ENKD1: variants seen among roughly 807,000 people sequenced by gnomAD.
The protein encoded by ENKD1 is enkurin domain containing 1, also known as enkurin domain-containing protein 1.
ENKD1 carries 39 observed loss-of-function variants against 35.8 expected under a neutral mutation model. The ratio of observed to expected loss-of-function variants is 1.09; its 90% CI spans 0.84 to 1.42. The LOEUF (loss-of-function observed/expected upper bound fraction) is 1.42. ENKD1 is among the 40% of genes most tolerant of loss of function. The pLI is 0.00. For synonymous variants in ENKD1, 205 were observed against 198.6 expected, an observed-to-expected ratio of 1.03 and a Z score of -0.27; for missense variants, 474 against 471.3, an observed-to-expected ratio of 1.01 and a Z score of -0.05.
At position 67,663,295 on chromosome 16, in the gene ENKD1, C is replaced by G. The variant is rs138813287; in HGVS notation, c.907G>C (p.Val303Leu). The change falls in exon 7 of 7, where the codon GTA (valine) becomes CTA (leucine). Residue 303 changes from valine to leucine, a missense_variant. Coordinates refer to ENST00000243878, the MANE Select transcript of ENKD1 (RefSeq NM_032140.3). ...GAGTCTGCCCCAGCAGGCAGCAGTA[C>G]CAGCTCACGCAGCAGCTGGCTCTGG... ...QSQSQLLREL[V>L]LLPAGADSLR... 1 of 1,613,572 alleles carries G rather than the reference C, an allele frequency of 6.2e-7. No homozygotes were observed. The highest frequency in any genetic ancestry group is 1.3e-5 in the African/African-American group (1 of 74,956).
Position 67,663,282 on chromosome 16 carries a change from G to A in ENKD1, c.920C>T (p.Ala307Val). The A allele has an allele frequency of 6.2e-7, 1 of 1,613,742 alleles. No homozygotes were observed. The highest frequency in any genetic ancestry group is 8.5e-7 in the Non-Finnish European group (1 of 1,180,030). Residue 307 changes from alanine (A) to valine (V), a missense_variant, in exon 7 of 7, where the codon GCT (alanine) becomes GTT (valine). By Grantham distance (64) the Ala-to-Val change is moderately conservative. Coordinates refer to ENST00000243878, the MANE Select transcript of ENKD1 (RefSeq NM_032140.3). ...CTGGGCTCTCAGTGAGTCTGCCCCA[G>A]CAGGCAGCAGTACCAGCTCACGCAG... ...QLLRELVLLP[A>V]GADSLRAQSH...
intron 1 of ENKD1, 39 bp from the exon 2 acceptor site, chr16:67,666,304 T>G: frequency 1.3e-6 from 2 of 1,598,812 alleles, no homozygotes; most frequent in Non-Finnish European, 1.7e-6. Context: ...GGCTCAGAGG[T>G]GGAGCCAGGG....
In ENKD1 at chr16:67,666,223, A is replaced by G; in HGVS notation, c.128T>C (p.Leu43Pro). 8 of 1,608,434 alleles carry G rather than the reference A, an allele frequency of 5.0e-6. No homozygotes were observed. Among genetic ancestry groups the G allele is most frequent in the Non-Finnish European group, 6.8e-6 (8 of 1,177,164 alleles). The change falls in exon 2 of 7, where the codon CTG (leucine) becomes CCG (proline). Residue 43 changes from leucine to proline, a missense_variant. By Grantham distance (98) the Leu-to-Pro change is moderately conservative. Coordinates refer to ENST00000243878, the MANE Select transcript of ENKD1 (RefSeq NM_032140.3). ...GGTGTCCAGGGCCCGGTCGGAAGTC[A>G]GCAAGTCCAGCTTCAGCGCGTTTCC... Reference protein sequence around the residue: ...LEGNALKLDLLTSDRALDTTA... With the variant: ...LEGNALKLDLPTSDRALDTTA...
At chr16:67,665,492 G>T (rs538437292) in intron 2 of ENKD1, among the ~76,000 whole-genome samples, 75 of 152,224 alleles carry the variant, frequency 4.9e-4, no homozygotes, top group African/African-American at 1.7e-3. Context: ...CTGCCGAGTA[G>T]CTGGGATTAC....
intron 2 of ENKD1, 140 bp from the exon 3 acceptor site, chr16:67,665,308 A>C (rs1234897623): frequency 4.1e-6 from 3 of 727,892 alleles, no homozygotes; most frequent in East Asian, 5.8e-5. Context: ...CCCTACACAC[A>C]CTCTCCCTCA....
intron 3 of ENKD1, chr16:67,664,655 C>T (rs992029535): frequency 2.3e-5 from 8 of 341,286 alleles, no homozygotes; most frequent in African/African-American, 6.5e-5. Flanking sequence ...TGGCCCCTGA[C>T]GTGGGTCCAG....
chr16:67,664,279 GC>G, intron 3 of ENKD1: 1 of 651,328 alleles, frequency 1.5e-6, no homozygotes, highest in South Asian at 1.5e-5. Flanking sequence ...CTCAGTACTG[GC>G]CCAGCTACCA....
chr16:67,666,183 G>T lies in ENKD1; in HGVS notation c.168C>A (p.Gly56=), dbSNP rs1378968872. The change falls in exon 2 of 7, where the codon GGC becomes GGA. Residue 56 remains glycine (G), a synonymous_variant. Transcript: ENST00000243878. Reference sequence around the variant, plus strand: ...CTCCGGCACCGGGACCGATGCAGGGGCCACGGGGAGCGGTGGTGTCCAGGG... The same window carrying T: ...CTCCGGCACCGGGACCGATGCAGGGTCCACGGGGAGCGGTGGTGTCCAGGG... The part of the protein sequence containing the change: ...DRALDTTAPR[G]PCIGPGAGEI... 9 of 1,612,124 alleles carry T rather than the reference G, an allele frequency of 5.6e-6. No homozygotes were observed. Among genetic ancestry groups the T allele is most frequent in the Non-Finnish European group, 7.6e-6 (9 of 1,179,636 alleles).
Position 67,666,068 on chromosome 16 carries a change from T to TA in ENKD1, c.280+2dup, listed in dbSNP as rs753031561. 7 of 1,611,900 alleles carry TA rather than the reference T, an allele frequency of 4.3e-6. No homozygotes were observed. The highest frequency in any genetic ancestry group is 3.3e-5 in the Admixed American group (2 of 59,934). On this transcript the variant is annotated splice_region_variant and intron_variant, in intron 2 of 6. Coordinates refer to ENST00000243878, the MANE Select transcript of ENKD1 (RefSeq NM_032140.3). ...TGTCCCTTCTTCCATTCCTGGGACTTACTCTTGAGAGAGGCCCCAGGACCT... is the reference window on the plus strand; with the variant it reads ...TGTCCCTTCTTCCATTCCTGGGACTTAACTCTTGAGAGAGGCCCCAGGACCT...
rs898219208 is a variant in ENKD1, at chr16:67,663,078, C to G, written c.*83G>C. The G allele has an allele frequency of 6.5e-7, 1 of 1,539,026 alleles. No homozygotes were observed. Among genetic ancestry groups the G allele is most frequent in the Admixed American group, 1.8e-5 (1 of 54,526 alleles). On this transcript the variant is annotated 3_prime_UTR_variant, in exon 7 of 7. Transcript: ENST00000243878. ...CTGCTCCTGTCTTCAGACCTCTGCT[C>G]TGGGATTGGGTCCAACCCTGTCCTT...
Position 67,664,079 on chromosome 16 carries a change from A to G in ENKD1, c.454-17T>C, listed in dbSNP as rs1038299458. ...GCCAGGCTCCTGGAGGGCAGGGCAC[A>G]GCAGAGAGAGCAGGCAGGCTGAGGT... On this transcript the variant is annotated splice_polypyrimidine_tract_variant and intron_variant, in intron 3 of 6. Coordinates refer to ENST00000243878, the MANE Select transcript of ENKD1 (RefSeq NM_032140.3). The G allele has an allele frequency of 3.2e-6, 5 of 1,550,392 alleles. No homozygotes were observed. The highest frequency in any genetic ancestry group is 4.4e-6 in the Non-Finnish European group (5 of 1,146,206).
intron 3 of ENKD1, 67 bp from the exon 4 acceptor site, chr16:67,664,129 G>A (rs1214787283): frequency 1.4e-6 from 2 of 1,423,532 alleles, no homozygotes; most frequent in Non-Finnish European, 9.7e-7. Flanking sequence ...GCAAGACCCT[G>A]GCCATCTTGG....
rs2053100271 is a variant in ENKD1, at chr16:67,666,210, C to G, written c.141G>C (p.Arg47=). The G allele has an allele frequency of 6.2e-7, 1 of 1,609,814 alleles. No individual in the cohort carries two copies. The highest frequency in any genetic ancestry group is 1.1e-5 in the South Asian group (1 of 90,914). ...ALKLDLLTSD[R]ALDTTAPRGP... ...CACGGGGAGCGGTGGTGTCCAGGGC[C>G]CGGTCGGAAGTCAGCAAGTCCAGCT... Residue 47 remains arginine (R), a synonymous_variant, in exon 2 of 7, where the codon CGG becomes CGC. Coordinates refer to ENST00000243878, the MANE Select transcript of ENKD1 (RefSeq NM_032140.3).
rs754088989 is a variant in ENKD1 at position 67,663,621 on chromosome 16, T to A, written c.743+36A>T. ...GAGGTTGGTTCCCACCCTCCACAGG[T>A]GTCCTTCACCCTGAGTGTCGGGCAG... On this transcript the variant is annotated intron_variant, in intron 5 of 6. Transcript: ENST00000243878. 5 of 1,604,086 alleles carry A rather than the reference T, an allele frequency of 3.1e-6. No individual in the cohort carries two copies. In the Admixed American group the frequency reaches 8.4e-5, roughly 27 times the overall value.
At chr16:67,665,949 G>T in intron 2 of ENKD1, 122 bp downstream of exon 2, 1 of 1,068,446 alleles carries the variant, frequency 9.4e-7, no homozygotes. Context: ...TTTATAGTTG[G>T]GGAAACTGAG....
intron 6 of ENKD1, 38 bp downstream of exon 6, chr16:67,663,382 G>T: frequency 6.2e-7 from 1 of 1,611,742 alleles, no homozygotes; most frequent in Middle Eastern, 1.7e-4. Context: ...CCGGTCCCCA[G>T]TGGGGCCCCC....
chr16:67,663,433 G>A lies in ENKD1; in HGVS notation c.867C>T (p.Thr289=). The change falls in exon 6 of 7, where the codon ACC becomes ACT. Residue 289 remains threonine, a synonymous_variant. Transcript: ENST00000243878. ...MPENQRLETL[T]KLLQSQSQLL... is the part of the protein sequence containing the mutation. ...CCAGGTACTCACTCTGGAGCAGCTT[G>A]GTCAGTGTTTCCAGCCGCTGGTTCT... 1 of 1,613,286 alleles carries A rather than the reference G, an allele frequency of 6.2e-7. No homozygotes were observed. Among genetic ancestry groups the A allele is most frequent in the Non-Finnish European group, 8.5e-7 (1 of 1,179,912 alleles).
At chr16:67,665,368 CATT>C (rs748706844) in intron 2 of ENKD1, among the ~76,000 whole-genome samples, 200 bp from the exon 3 acceptor site, 13 of 151,292 alleles carry the variant, frequency 8.6e-5, no homozygotes, top group Non-Finnish European at 1.0e-4. Context: ...TGATTTTCTC[CATT>C]ATTATTATTA....
At position 67,663,758 on chromosome 16, in the gene ENKD1, C is replaced by G. The variant is rs758022748; in HGVS notation, c.642G>C (p.Arg214=). 9 of 1,611,266 alleles carry G rather than the reference C, an allele frequency of 5.6e-6. No individual in the cohort carries two copies. The highest frequency in any genetic ancestry group is 6.8e-6 in the Non-Finnish European group (8 of 1,178,764). The part of the protein sequence containing the change: ...HNARAAKRAP[R]RHSCSLQVLA... ...GGACCTGCAGTGAGCAGGAATGCCT[C>G]CGGGGGGCTCTCTTGGCAGCTCGTG... Residue 214 remains arginine, a synonymous_variant, in exon 5 of 7, where the codon CGG becomes CGC. Transcript: ENST00000243878.
Sources: gnomAD v4.1 joint callset for allele counts (sites outside exome capture counted in the v4.1 genomes callset) on GRCh38, gnomAD v4.1.1 for gene constraint, MANE v1.5 for transcripts, NCBI Gene and HGNC (gene_info 2026-07-23, HGNC 2026-07-21) for gene names.